The following USP15 variants were observed in gnomAD, a reference collection of about 807,000 sequenced individuals.
The protein encoded by USP15 is ubiquitin carboxyl-terminal hydrolase 15.
USP15 carries 18 observed loss-of-function variants against 127.1 expected under a neutral mutation model. The ratio of observed to expected loss-of-function variants is 0.14; its 90% confidence interval spans 0.10 to 0.21. USP15 has a LOEUF of 0.21. USP15 is among the 10% of genes least tolerant of loss of function. USP15 has a pLI of 1.00. For synonymous variants in USP15, 364 were observed against 393.7 expected (o/e 0.92, Z 0.89); for missense variants, 805 against 1,159.9 (o/e 0.69, Z 4.44).
intron 8 of USP15, among the ~76,000 whole-genome samples, chr12:62,366,950 G>A (rs1368833283): frequency 6.6e-6 from 1 of 152,150 alleles, no homozygotes; most frequent in East Asian, 1.9e-4. Flanking sequence ...GATTCGGTTT[G>A]CCAGTATTTT....
At chr12:62,263,213 T>G (rs996249967) in intron 1 of USP15, among the ~76,000 whole-genome samples, 6 of 152,218 alleles carry the variant, frequency 3.9e-5, no homozygotes, top group African/African-American at 1.2e-4. Context: ...TGAATCAGGT[T>G]ATTTGAAATT....
rs776470244 is a variant in USP15, at chr12:62,325,943, C to T, written c.683+10C>T. ...GTCCTTCTACTCCTAAGTAAGTGCT[C>T]CCACTTCTTATGGCTTATTGTATGA... On this transcript the variant is annotated intron_variant, in intron 6 of 21. Coordinates refer to ENST00000280377, the MANE Select transcript of USP15 (RefSeq NM_001252078.2). 5.0e-6 allele frequency: 8 copies of T among 1,606,284 alleles called. No homozygotes were observed. In the South Asian group the frequency reaches 8.9e-5, roughly 18 times the overall value.
chr12:62,260,575 G>C, intron 1 of USP15, 72 bp downstream of exon 1: 1 of 1,435,732 alleles, frequency 7.0e-7, no homozygotes, highest in South Asian at 1.3e-5. Context: ...CCGCGAGCTG[G>C]TTCTTTCGCT....
chr12:62,373,199 AT>A lies in USP15; in HGVS notation c.916-8289del, dbSNP rs2137534188. Among the ~76,000 whole-genome samples, 2 of 152,132 alleles carry A rather than the reference AT, an allele frequency of 1.3e-5. 1 individual carries two copies. Among genetic ancestry groups the A allele is most frequent in the African/African-American group, 4.8e-5 (2 of 41,564 alleles). ...TTCACATAATCATGGCTTTTTTAAC[AT>A]TGACATCTGTAGTTACAGAATTTAC... On this transcript the variant is annotated intron_variant, in intron 8 of 21. Coordinates refer to ENST00000280377, the MANE Select transcript of USP15 (RefSeq NM_001252078.2).
chr12:62,261,436 A>G (rs1407985792), intron 1 of USP15, among the ~76,000 whole-genome samples: 1 of 152,198 alleles, frequency 6.6e-6, no homozygotes, highest in African/African-American at 2.4e-5. Flanking sequence ...TTATAATAAA[A>G]CATATTTTCA....
chr12:62,392,161 G>C, intron 17 of USP15, 111 bp from the exon 18 acceptor site: 1 of 789,332 alleles, frequency 1.3e-6, no homozygotes, highest in African/African-American at 1.8e-5. Context: ...TAAGCTTTAT[G>C]ATTCTTTTGA....
In USP15 at chr12:62,377,031, T is replaced by A. The variant is rs558770626; in HGVS notation, c.916-4459T>A. On this transcript the variant is annotated intron_variant, in intron 8 of 21. Coordinates refer to ENST00000280377, the MANE Select transcript of USP15 (RefSeq NM_001252078.2). ...TATTTTAATTACCTTATAAAAATTA[T>A]ACATTTTTAATTTTATGTATTTTTA... Among the ~76,000 whole-genome samples the A allele has an allele frequency of 1.1e-4, 16 of 152,310 alleles. 1 individual carries two copies. The South Asian group carries it at 3.3e-3, about 32-fold the overall frequency.
Position 62,391,323 on chromosome 12 carries a change from A to G in USP15, c.2127A>G (p.Lys709=). ...AAGGTCAACTCACGGGACACAAAAA[A>G]CGATTGTTTACATTCCAGTTCAACA... is the stretch of plus-strand genomic sequence containing the variant. ...TCKGQLTGHK[K]RLFTFQFNNL... The change falls in exon 16 of 22, where the codon AAA becomes AAG. Residue 709 remains lysine, a synonymous_variant. Coordinates refer to ENST00000280377, the MANE Select transcript of USP15 (RefSeq NM_001252078.2). 6.2e-7 allele frequency: 1 copy of G among 1,613,564 alleles called. No individual in the cohort carries two copies. Among genetic ancestry groups the G allele is most frequent in the South Asian group, 1.1e-5 (1 of 91,048 alleles).
At chr12:62,341,544 T>G (rs2065649521) in intron 6 of USP15, among the ~76,000 whole-genome samples, 1 of 152,242 alleles carries the variant, frequency 6.6e-6, no homozygotes, top group African/African-American at 2.4e-5. Flanking sequence ...ATTTAGTGCT[T>G]CCTTCAGGAA....
At chr12:62,291,021 A>T (rs1174334227) in intron 1 of USP15, among the ~76,000 whole-genome samples, 1 of 152,144 alleles carries the variant, frequency 6.6e-6, no homozygotes, top group South Asian at 2.1e-4. Flanking sequence ...AGGTGTCCAA[A>T]TGCTTTTCTC....
intron 1 of USP15, among the ~76,000 whole-genome samples, chr12:62,265,266 A>T (rs2063165379): frequency 6.6e-6 from 1 of 152,310 alleles, no homozygotes; most frequent in South Asian, 2.1e-4. Context: ...TTTTGCTTCT[A>T]CGTAAGTGTA....
intron 6 of USP15, among the ~76,000 whole-genome samples, chr12:62,347,282 AAAAG>A (rs1211775557): frequency 5.9e-5 from 9 of 151,734 alleles, no homozygotes; most frequent in South Asian, 2.1e-4. Context: ...GATGAGAAGA[AAAAG>A]AAAAAAGTGT....
intron 1 of USP15, among the ~76,000 whole-genome samples, chr12:62,289,109 TAGAA>T (rs1236002201): frequency 1.3e-5 from 2 of 152,244 alleles, no homozygotes; most frequent in East Asian, 3.9e-4. Flanking sequence ...CTTGTAGAAT[TAGAA>T]AGGGAAGATT....
intron 20 of USP15, among the ~76,000 whole-genome samples, chr12:62,400,686 A>G (rs945865388): frequency 2.6e-5 from 4 of 152,034 alleles, no homozygotes; most frequent in African/African-American, 7.2e-5. Context: ...AAATTTAATA[A>G]TAAGTTGAAA....
rs1033054244 is a variant in USP15 at position 62,390,986 on chromosome 12, CT to C, written c.1960+11del. ...CATGAAGAAGGCTCACCAAGTAAGA[CT>C]TTTCTGTTAAATTGTACAAATGTTT... On this transcript the variant is annotated splice_region_variant and intron_variant, in intron 15 of 21. Transcript: ENST00000280377. 16 of 1,602,572 alleles carry C rather than the reference CT, an allele frequency of 1.0e-5. No homozygotes were observed. Among genetic ancestry groups the C allele is most frequent in the Non-Finnish European group, 9.4e-6 (11 of 1,173,190 alleles).
chr12:62,396,512 A>AT, intron 20 of USP15, 114 bp downstream of exon 20: 1 of 885,926 alleles, frequency 1.1e-6, no homozygotes, highest in Non-Finnish European at 1.8e-6. Flanking sequence ...TGTCTTGCAT[A>AT]TAGTAGTTCA....
rs552462070 is a variant in USP15, at chr12:62,331,513, T to C, written c.683+5580T>C. Reference sequence around the variant, plus strand: ...GCCAAGGAATTTGCATTTTAAGTACTTCATATGAACAAGAAAATAGAAGAA... The same window carrying C: ...GCCAAGGAATTTGCATTTTAAGTACCTCATATGAACAAGAAAATAGAAGAA... On this transcript the variant is annotated intron_variant, in intron 6 of 21. Coordinates refer to ENST00000280377, the MANE Select transcript of USP15 (RefSeq NM_001252078.2). 5.9e-5 allele frequency among the ~76,000 whole-genome samples: 9 copies of C among 152,304 alleles called. No individual in the cohort carries two copies. In the East Asian group the frequency reaches 1.7e-3, roughly 29 times the overall value.
intron 8 of USP15, among the ~76,000 whole-genome samples, chr12:62,357,687 G>A (rs2066175306): frequency 1.3e-5 from 2 of 152,090 alleles, no homozygotes; most frequent in Non-Finnish European, 2.9e-5. Flanking sequence ...TTGGAGAAGA[G>A]AAAAATGAGT....
At position 62,389,847 on chromosome 12, in the gene USP15, C is replaced by T. The variant is rs1464271845; in HGVS notation, c.1703C>T (p.Pro568Leu). Residue 568 changes from proline (P) to leucine (L), a missense_variant, in exon 14 of 22, where the codon CCT becomes CTT. By Grantham distance (98) the Pro-to-Leu change is moderately conservative. Coordinates refer to ENST00000280377, the MANE Select transcript of USP15 (RefSeq NM_001252078.2). ...GAAGATACAGAGCACGTGATTATTC[C>T]TGTTTGCCTAAGAGAAAAATTCAGA... is the stretch of plus-strand genomic sequence containing the variant. ...RTEDTEHVII[P>L]VCLREKFRHS... The T allele has an allele frequency of 6.2e-7, 1 of 1,613,586 alleles. No homozygotes were observed. Among genetic ancestry groups the T allele is most frequent in the Non-Finnish European group, 8.5e-7 (1 of 1,179,800 alleles).
Sources: allele counts gnomAD v4.1 joint callset (sites outside exome capture counted in the v4.1 genomes callset), GRCh38; gene constraint gnomAD v4.1.1; transcripts MANE v1.5; gene names NCBI Gene and HGNC (gene_info 2026-07-23, HGNC 2026-07-21).